Variants in ZNF655 observed in about 807,000 individuals in gnomAD.
The protein encoded by ZNF655 is Vav-interacting Kruppel-like protein 1.
A neutral mutation model predicts 6.6 loss-of-function variants in ZNF655; 3 were observed. The ratio of observed to expected loss-of-function variants is 0.46; its 90% CI spans 0.21 to 1.18. ZNF655 has a LOEUF of 1.18. Among genes scored for constraint, ZNF655 ranks in the 50% most tolerant of loss-of-function variants. The pLI, the probability that ZNF655 is intolerant of heterozygous loss-of-function variation, is 0.24. For missense variants in ZNF655, 526 were observed against 572.3 expected (o/e 0.92, Z 0.83); for synonymous variants, 178 against 195.0 (o/e 0.91, Z 0.73).
chr7:99,562,694 C>G (rs1486057006), intron 2 of ZNF655, among the ~76,000 whole-genome samples: 1 of 152,094 alleles, frequency 6.6e-6, no homozygotes, highest in Non-Finnish European at 1.5e-5. Flanking sequence ...AAGAGACATT[C>G]TCCTCCTTAT....
chr7:99,562,333 T>G, intron 2 of ZNF655: 1 of 1,612,010 alleles, frequency 6.2e-7, no homozygotes, highest in South Asian at 1.1e-5. Flanking sequence ...TACAGTGTTC[T>G]CATTCCTCAG....
chr7:99,569,355 T>C (rs1405753545), intron 2 of ZNF655, among the ~76,000 whole-genome samples: 1 of 152,258 alleles, frequency 6.6e-6, no homozygotes, highest in East Asian at 1.9e-4. Context: ...TTTAGGCTAG[T>C]GCCAAGAAAA....
At chr7:99,565,576 G>A (rs550981912) in intron 2 of ZNF655, among the ~76,000 whole-genome samples, 56 of 152,274 alleles carry the variant, frequency 3.7e-4, no homozygotes, top group Non-Finnish European at 6.8e-4. Flanking sequence ...AAAGAAGTCG[G>A]TAATAAGTAA....
chr7:99,570,522 A>G (rs1803962371), intron 2 of ZNF655: 2 of 152,246 alleles, frequency 1.3e-5, no homozygotes, highest in Non-Finnish European at 1.5e-5. Flanking sequence ...CTGTTAATAC[A>G]TTGATACTTG....
At position 99,573,752 on chromosome 7, in the gene ZNF655, T is replaced by G. The variant is rs1804249120; in HGVS notation, c.*168T>G. ...ACACCAGAGAGAAACCCTCTGAATG[T>G]GACGAATGAAGAAAAGGTATTAGTG... is the stretch of plus-strand genomic sequence containing the variant. On this transcript the variant is annotated 3_prime_UTR_variant, in exon 3 of 3. Coordinates refer to ENST00000252713, the MANE Select transcript of ZNF655 (RefSeq NM_138494.3). The G allele has an allele frequency of 4.0e-6, 3 of 757,630 alleles. No homozygotes were observed. In the Admixed American group the frequency reaches 9.0e-5, roughly 23 times the overall value. 46.9% of individuals were successfully genotyped at this position (757,630 alleles called of 1,614,324 possible).
intron 1 of ZNF655, among the ~76,000 whole-genome samples, chr7:99,560,273 G>C (rs1482472425): frequency 6.6e-6 from 1 of 151,680 alleles, no homozygotes; most frequent in Non-Finnish European, 1.5e-5. Flanking sequence ...TAGTAGAGAA[G>C]AAGTTGCACC....
At chr7:99,562,611 G>A in intron 2 of ZNF655, 1 of 998,550 alleles carries the variant, frequency 1.0e-6, no homozygotes, top group South Asian at 2.2e-5. Context: ...CCAGGACTTA[G>A]AACCTCTGAA....
chr7:99,563,765 T>A, intron 2 of ZNF655: 1 of 1,417,892 alleles, frequency 7.1e-7, no homozygotes, highest in South Asian at 1.3e-5. Context: ...TCCCTGATTA[T>A]GCTCAGGATT....
At chr7:99,565,187 G>A (rs1016442478) in intron 2 of ZNF655, among the ~76,000 whole-genome samples, 9 of 132,046 alleles carry the variant, frequency 6.8e-5, no homozygotes, top group Non-Finnish European at 1.1e-4. Flanking sequence ...TTTTTTTTTT[G>A]AGACGGAGTC....
chr7:99,571,179 C>G, intron 2 of ZNF655: 1 of 1,198,072 alleles, frequency 8.3e-7, no homozygotes, highest in Non-Finnish European at 1.1e-6. Flanking sequence ...TCTTTGTTTT[C>G]TTATGTGTAC....
intron 1 of ZNF655, among the ~76,000 whole-genome samples, chr7:99,559,345 C>T (rs577977486): frequency 4.2e-5 from 6 of 142,348 alleles, no homozygotes; most frequent in African/African-American, 1.8e-4. Flanking sequence ...AGTGGGCTGA[C>T]GGTGTTACCA....
intron 2 of ZNF655, chr7:99,571,068 T>C (rs1215567240): frequency 8.8e-6 from 3 of 339,638 alleles, no homozygotes; most frequent in Non-Finnish European, 1.6e-5. Flanking sequence ...AGGGACCTTC[T>C]TGGCCTCTTA....
At chr7:99,565,540 A>C (rs1384222634) in intron 2 of ZNF655, among the ~76,000 whole-genome samples, 1 of 152,224 alleles carries the variant, frequency 6.6e-6, no homozygotes, top group African/African-American at 2.4e-5. Context: ...TGCAGCAGTA[A>C]ATATACAGAG....
At chr7:99,569,581 A>T (rs1347427824) in intron 2 of ZNF655, among the ~76,000 whole-genome samples, 1 of 152,200 alleles carries the variant, frequency 6.6e-6, no homozygotes, top group East Asian at 1.9e-4. Flanking sequence ...AACCACTCTG[A>T]ATCTTAGTAT....
At chr7:99,559,809 G>C (rs889568456) in intron 1 of ZNF655, among the ~76,000 whole-genome samples, 2 of 32,546 alleles carry the variant, frequency 6.1e-5, no homozygotes, top group Admixed American at 6.9e-4. Context: ...TTTTTTTTTT[G>C]TAGGGACGGG....
chr7:99,569,424 T>G (rs1803868232), intron 2 of ZNF655, among the ~76,000 whole-genome samples: 1 of 152,126 alleles, frequency 6.6e-6, no homozygotes, highest in South Asian at 2.1e-4. Context: ...TCACAGTCAT[T>G]ATTTATTTTT....
chr7:99,565,146 T>C (rs1467322922), intron 2 of ZNF655, among the ~76,000 whole-genome samples: 2 of 152,142 alleles, frequency 1.3e-5, no homozygotes, highest in African/African-American at 4.8e-5. Flanking sequence ...TATACATTTA[T>C]TAATTTAACT....
chr7:99,566,376 A>C (rs1325352240), intron 2 of ZNF655, among the ~76,000 whole-genome samples: 1 of 152,214 alleles, frequency 6.6e-6, no homozygotes, highest in Non-Finnish European at 1.5e-5. Flanking sequence ...ACCAGAAAGG[A>C]CATGCATTCA....
chr7:99,563,557 A>G (rs1430416085), intron 2 of ZNF655, among the ~76,000 whole-genome samples: 1 of 152,088 alleles, frequency 6.6e-6, no homozygotes, highest in Non-Finnish European at 1.5e-5. Context: ...ACCTCAAGTG[A>G]TCCACCTTCC....
Sources: allele counts gnomAD v4.1 joint callset (sites outside exome capture counted in the v4.1 genomes callset), GRCh38; gene constraint gnomAD v4.1.1; transcripts MANE v1.5; gene names NCBI Gene and HGNC (gene_info 2026-07-23, HGNC 2026-07-21).